The following SEMA3C variants were observed in gnomAD, a reference collection of about 807,000 sequenced individuals.
SEMA3C encodes the protein semaphorin 3C.
Under a neutral mutation model 89.4 loss-of-function variants are expected in SEMA3C, and 47 were observed. The observed-to-expected ratio is 0.53, with a 90% CI of 0.42 to 0.67. The LOEUF is 0.67. SEMA3C is among the 30% of genes least tolerant of loss of function. SEMA3C has a pLI of 0.00. For missense variants in SEMA3C, 839 were observed against 929.1 expected (o/e 0.90, Z 1.26); for synonymous variants, 310 against 320.2 (o/e 0.97, Z 0.34).
At chr7:80,833,155 C>T (rs1790046616) in intron 2 of SEMA3C, among the ~76,000 whole-genome samples, 1 of 152,114 alleles carries the variant, frequency 6.6e-6, no homozygotes, top group East Asian at 1.9e-4. Flanking sequence ...TCAATCCAGG[C>T]CTGGCACGGT....
chr7:80,835,819 T>G (rs1291876282), intron 2 of SEMA3C, among the ~76,000 whole-genome samples: 1 of 152,174 alleles, frequency 6.6e-6, no homozygotes, highest in African/African-American at 2.4e-5. Flanking sequence ...TTGCATTCGG[T>G]TCTAATATTA....
chr7:80,779,977 CA>C (rs1439795308), intron 12 of SEMA3C, among the ~76,000 whole-genome samples: 1 of 152,124 alleles, frequency 6.6e-6, no homozygotes, highest in African/African-American at 2.4e-5. Context: ...TGCCAAAAAC[CA>C]GGTGGGTTTG....
chr7:80,848,707 C>A (rs1172308397), intron 2 of SEMA3C, among the ~76,000 whole-genome samples: 1 of 152,158 alleles, frequency 6.6e-6, no homozygotes, highest in Non-Finnish European at 1.5e-5. Context: ...GCAAAACAGT[C>A]CAGTCCAAAA....
At chr7:80,867,719 T>TACACACACACACACAC (rs10641992) in intron 2 of SEMA3C, among the ~76,000 whole-genome samples, 4 of 149,806 alleles carry the variant, frequency 2.7e-5, no homozygotes, top group South Asian at 4.2e-4. Flanking sequence ...GTATAAATCA[T>TACACACACACACACAC]ACACACACAC....
chr7:80,879,097 T>A (rs1791269336), intron 2 of SEMA3C, among the ~76,000 whole-genome samples: 1 of 151,612 alleles, frequency 6.6e-6, no homozygotes, highest in Non-Finnish European at 1.5e-5. Context: ...TGGAAACCAA[T>A]GAAGAGGAGA....
At chr7:80,888,185 G>A (rs1791527212) in intron 2 of SEMA3C, among the ~76,000 whole-genome samples, 1 of 152,150 alleles carries the variant, frequency 6.6e-6, no homozygotes, top group Admixed American at 6.6e-5. Context: ...GGCTGAGGCA[G>A]GAGGATCCCT....
chr7:80,811,487 T>C (rs1359759834), intron 5 of SEMA3C, among the ~76,000 whole-genome samples: 1 of 151,988 alleles, frequency 6.6e-6, no homozygotes, highest in Non-Finnish European at 1.5e-5. Flanking sequence ...AAATATCTTG[T>C]CAGTATAAAT....
At chr7:80,905,235 GGAGA>G (rs1255408217) in intron 2 of SEMA3C, among the ~76,000 whole-genome samples, 2 of 113,414 alleles carry the variant, frequency 1.8e-5, no homozygotes, top group Non-Finnish European at 3.6e-5. Flanking sequence ...GGAGAGAGAG[GGAGA>G]GAGAGGGAGA....
intron 2 of SEMA3C, among the ~76,000 whole-genome samples, chr7:80,866,494 A>T (rs1219180230): frequency 6.6e-6 from 1 of 152,182 alleles, no homozygotes; most frequent in East Asian, 1.9e-4. Flanking sequence ...AAAAATAAAT[A>T]AATAAAAAAT....
intron 12 of SEMA3C, among the ~76,000 whole-genome samples, chr7:80,776,079 G>T (rs774732836): frequency 9.9e-5 from 15 of 151,958 alleles, no homozygotes; most frequent in Non-Finnish European, 2.1e-4. Context: ...TATGACGTCT[G>T]CCCAAAAGCA....
chr7:80,833,024 T>C (rs1198684911), intron 2 of SEMA3C, among the ~76,000 whole-genome samples: 1 of 152,190 alleles, frequency 6.6e-6, no homozygotes, highest in Non-Finnish European at 1.5e-5. Context: ...TTTTCTAATC[T>C]GTACTGAAAT....
At chr7:80,904,094 G>A (rs566636999) in intron 2 of SEMA3C, among the ~76,000 whole-genome samples, 5 of 152,304 alleles carry the variant, frequency 3.3e-5, no homozygotes, top group South Asian at 2.1e-4. Context: ...AGGCTAGAGT[G>A]CAGTAGCAAG....
chr7:80,871,968 C>T (rs1385847133), intron 2 of SEMA3C, among the ~76,000 whole-genome samples: 1 of 151,852 alleles, frequency 6.6e-6, no homozygotes, highest in Admixed American at 6.6e-5. Flanking sequence ...TACAAAATAA[C>T]CTAATACACC....
chr7:80,899,661 T>C (rs1791829885), intron 2 of SEMA3C, among the ~76,000 whole-genome samples: 1 of 152,178 alleles, frequency 6.6e-6, no homozygotes, highest in Non-Finnish European at 1.5e-5. Context: ...GTCAGGCAAG[T>C]AACATAAATT....
intron 2 of SEMA3C, among the ~76,000 whole-genome samples, chr7:80,886,708 T>G (rs961916506): frequency 3.3e-5 from 5 of 152,184 alleles, no homozygotes; most frequent in African/African-American, 1.2e-4. Flanking sequence ...CATATCATCT[T>G]AGAAGTTGCT....
chr7:80,868,433 A>G (rs896603983), intron 2 of SEMA3C, among the ~76,000 whole-genome samples: 4 of 151,694 alleles, frequency 2.6e-5, no homozygotes, highest in Non-Finnish European at 5.9e-5. Context: ...ACACCTGACT[A>G]ATTTTTGTAT....
intron 9 of SEMA3C, among the ~76,000 whole-genome samples, chr7:80,801,985 T>C (rs544065728): frequency 5.9e-5 from 9 of 152,164 alleles, no homozygotes; most frequent in Non-Finnish European, 1.2e-4. Flanking sequence ...AATCTGAGAA[T>C]GACCATTATT....
chr7:80,840,595 T>G (rs1407657956), intron 2 of SEMA3C, among the ~76,000 whole-genome samples: 1 of 148,030 alleles, frequency 6.8e-6, no homozygotes, highest in African/African-American at 2.5e-5. Context: ...GGTAAAAATA[T>G]GCAAAAATTT....
At chr7:80,921,582 TAA>T (rs1792410016), upstream of SEMA3C, among the ~76,000 whole-genome samples, 1 of 152,200 alleles carries the variant, frequency 6.6e-6, no homozygotes, top group African/African-American at 2.4e-5. Context: ...AAACAACAGC[TAA>T]TTGAGAACGC....
Sources: gnomAD v4.1 joint callset for allele counts (sites outside exome capture counted in the v4.1 genomes callset) on GRCh38, gnomAD v4.1.1 for gene constraint, MANE v1.5 for transcripts, NCBI Gene and HGNC (gene_info 2026-07-23, HGNC 2026-07-21) for gene names.